Variants in PTPRD observed in about 807,000 individuals in gnomAD.
PTPRD encodes the protein protein tyrosine phosphatase receptor type D, also known as receptor-type tyrosine-protein phosphatase delta.
In PTPRD, 34 loss-of-function variants were observed where a neutral mutation model predicts 214.5. The ratio of observed to expected loss-of-function variants is 0.16; its 90% confidence interval spans 0.12 to 0.21. PTPRD has a LOEUF of 0.21. PTPRD is among the 10% of genes least tolerant of loss of function. The probability of loss-of-function intolerance (pLI) is 1.00; values close to 1 mark genes in which losing one functional copy is unlikely to be tolerated. For synonymous variants in PTPRD, 1,128 were observed against 845.7 expected, an observed-to-expected ratio of 1.33 and a Z score of -5.79; for missense variants, 2,545 against 2,398.7, an observed-to-expected ratio of 1.06 and a Z score of -1.27.
At chr9:9,483,006 C>G (rs1274291798) in intron 8 of PTPRD, among the ~76,000 whole-genome samples, 1 of 152,100 alleles carries the variant, frequency 6.6e-6, no homozygotes, top group Non-Finnish European at 1.5e-5. Flanking sequence ...TCTTCTCCAT[C>G]TTAATGAAAT....
At chr9:8,355,330 C>T (rs987852904) in intron 39 of PTPRD, among the ~76,000 whole-genome samples, 1 of 152,050 alleles carries the variant, frequency 6.6e-6, no homozygotes, top group Admixed American at 6.6e-5. Context: ...GGTTGTAGGC[C>T]AAATAAACCT....
At chr9:9,831,798 G>C (rs953029713) in intron 5 of PTPRD, among the ~76,000 whole-genome samples, 23 of 151,940 alleles carry the variant, frequency 1.5e-4, no homozygotes, top group Non-Finnish European at 5.9e-5. Flanking sequence ...TCACCAAGGT[G>C]GAGGGATGTA....
chr9:8,499,272 G>C (rs1184569253), intron 25 of PTPRD, among the ~76,000 whole-genome samples: 4 of 152,154 alleles, frequency 2.6e-5, no homozygotes, highest in African/African-American at 9.6e-5. Flanking sequence ...GTTGCAAGTT[G>C]TTTTAGCACA....
chr9:9,025,229 A>C (rs1333007230), intron 10 of PTPRD, among the ~76,000 whole-genome samples: 1 of 151,936 alleles, frequency 6.6e-6, no homozygotes, highest in Non-Finnish European at 1.5e-5. Context: ...GTTTTTCTTG[A>C]CATTTTTTCT....
intron 8 of PTPRD, among the ~76,000 whole-genome samples, chr9:9,516,383 G>A (rs1365303710): frequency 6.6e-6 from 1 of 151,972 alleles, no homozygotes; most frequent in Non-Finnish European, 1.5e-5. Context: ...TCTACGTTGT[G>A]TGAACTTGAT....
chr9:10,123,221 C>T lies in PTPRD; in HGVS notation c.-544-89431G>A, dbSNP rs563690999. ...AATTGAAGCTACATAGGTGCTCCTT[C>T]CTATCCTTTAAATTTGCCTCTGGGA... On this transcript the variant is annotated intron_variant, in intron 3 of 45. Transcript: ENST00000381196. 5.9e-5 allele frequency among the ~76,000 whole-genome samples: 9 copies of T among 152,350 alleles called. No individual in the cohort carries two copies. The East Asian group carries it at 1.7e-3, about 29-fold the overall frequency.
intron 8 of PTPRD, among the ~76,000 whole-genome samples, chr9:9,425,772 A>G (rs1486288134): frequency 6.6e-6 from 1 of 152,192 alleles, no homozygotes; most frequent in Non-Finnish European, 1.5e-5. Context: ...TAGGAAAATC[A>G]GCATCTTGAA....
chr9:9,555,627 C>T (rs1441798644), intron 8 of PTPRD, among the ~76,000 whole-genome samples: 1 of 152,030 alleles, frequency 6.6e-6, no homozygotes, highest in African/African-American at 2.4e-5. Context: ...TAGAAATAGG[C>T]TAAGTTCAAT....
At position 10,060,800 on chromosome 9, in the gene PTPRD, CTTCCTTT is replaced by C. The variant is rs1567403418; in HGVS notation, c.-544-27017_-544-27011del. Among the ~76,000 whole-genome samples the C allele has an allele frequency of 1.0e-4, 13 of 124,186 alleles. 1 individual carries two copies. Among genetic ancestry groups the C allele is most frequent in the African/African-American group, 1.1e-4 (2 of 18,856 alleles). The allele number at this position is 124,186 out of a possible 152,430, so 81.5% of individuals were successfully genotyped here. A position where few individuals can be genotyped will look rare whatever the true frequency, so the allele number is the denominator to read the frequency against. On this transcript the variant is annotated intron_variant, in intron 3 of 45. Coordinates refer to ENST00000381196, the MANE Select transcript of PTPRD (RefSeq NM_002839.4). ...CTTTTCTTTCTTTCTTTCTTTCTTT[CTTCCTTT>C]CTTTCTTTCTTTCTTTCTTTCTTCC... is the stretch of plus-strand genomic sequence containing the variant.
intron 8 of PTPRD, among the ~76,000 whole-genome samples, chr9:9,501,133 T>C (rs928026875): frequency 6.6e-6 from 1 of 151,588 alleles, no homozygotes; most frequent in East Asian, 1.9e-4. Context: ...AAAAGCAAGG[T>C]AAAAACTTAA....
chr9:8,912,785 G>A (rs967227375), intron 11 of PTPRD, among the ~76,000 whole-genome samples: 1 of 152,108 alleles, frequency 6.6e-6, no homozygotes, highest in African/African-American at 2.4e-5. Flanking sequence ...TATCTGAGTT[G>A]AACTTTTGGC....
At chr9:8,652,881 G>T (rs1228241220) in intron 12 of PTPRD, among the ~76,000 whole-genome samples, 2 of 152,208 alleles carry the variant, frequency 1.3e-5, no homozygotes, top group African/African-American at 4.8e-5. Flanking sequence ...TAGAAAAGGG[G>T]TCTGCAGGTT....
At chr9:9,281,848 A>C (rs1168162015) in intron 9 of PTPRD, among the ~76,000 whole-genome samples, 1 of 151,344 alleles carries the variant, frequency 6.6e-6, no homozygotes, top group East Asian at 2.0e-4. Context: ...ACTTGAAAGC[A>C]ATCAAGATAC....
chr9:9,441,843 G>A (rs556079766), intron 8 of PTPRD, among the ~76,000 whole-genome samples: 1 of 152,302 alleles, frequency 6.6e-6, no homozygotes, highest in Admixed American at 6.5e-5. Flanking sequence ...AAGGACAATT[G>A]TTATAAGTGA....
At chr9:8,724,181 G>A (rs10121035) in intron 12 of PTPRD, among the ~76,000 whole-genome samples, 35 of 152,238 alleles carry the variant, frequency 2.3e-4, no homozygotes, top group African/African-American at 8.2e-4. Flanking sequence ...ACTGAGTAAA[G>A]ATAAATTTGG....
At chr9:9,756,647 GGATA>G (rs2098585165) in intron 6 of PTPRD, among the ~76,000 whole-genome samples, 1 of 152,102 alleles carries the variant, frequency 6.6e-6, no homozygotes, top group Admixed American at 6.6e-5. Flanking sequence ...TTTTGGAACT[GGATA>G]GAGTTTGTGA....
intron 4 of PTPRD, among the ~76,000 whole-genome samples, chr9:9,957,404 T>A (rs2094014643): frequency 6.6e-6 from 1 of 152,140 alleles, no homozygotes; most frequent in Non-Finnish European, 1.5e-5. Flanking sequence ...CTTAAAATTA[T>A]TAATGTTTCA....
intron 7 of PTPRD, among the ~76,000 whole-genome samples, chr9:9,688,311 C>A (rs574844954): frequency 1.6e-4 from 24 of 151,920 alleles, no homozygotes; most frequent in African/African-American, 4.8e-4. Flanking sequence ...ATTTAAGAAA[C>A]CATACAAAAC....
chr9:10,533,398 T>C (rs1004917578), intron 2 of PTPRD, among the ~76,000 whole-genome samples: 1 of 152,160 alleles, frequency 6.6e-6, no homozygotes, highest in Admixed American at 6.6e-5. Context: ...TATTCTTATA[T>C]TGTGTCTTAT....
Sources: gnomAD v4.1 joint callset for allele counts (sites outside exome capture counted in the v4.1 genomes callset) on GRCh38, gnomAD v4.1.1 for gene constraint, MANE v1.5 for transcripts, NCBI Gene and HGNC (gene_info 2026-07-23, HGNC 2026-07-21) for gene names.